The following SPSB4 variants were observed in gnomAD, a reference collection of about 807,000 sequenced individuals.
The protein encoded by SPSB4 is SPRY domain-containing SOCS box protein 4.
In SPSB4, 21 loss-of-function variants were observed where a neutral mutation model predicts 20.9. That is an observed-to-expected ratio of 1.01 (90% CI 0.71 to 1.45). The LOEUF (loss-of-function observed/expected upper bound fraction) is 1.45. Among genes scored for constraint, SPSB4 ranks in the 40% most tolerant of loss-of-function variants. The probability of loss-of-function intolerance (pLI) is 0.00; values close to 1 mark genes in which losing one functional copy is unlikely to be tolerated. For synonymous variants in SPSB4, 207 were observed against 183.8 expected (o/e 1.13, Z -1.02); for missense variants, 399 against 399.2 (o/e 1.00, Z 0.00).
rs566180241 is a variant in SPSB4 at position 141,131,078 on chromosome 3, G to T, written c.695-16064G>T. Among the ~76,000 whole-genome samples, 6 of 152,202 alleles carry T rather than the reference G, an allele frequency of 3.9e-5. No individual in the cohort carries two copies. The East Asian group carries it at 1.2e-3, about 29-fold the overall frequency. ...TTCCTGGGCTGATGGCCTGAAATAAGACACATTTTAGAGAGAACACCTTTA... is the reference window on the plus strand; with the variant it reads ...TTCCTGGGCTGATGGCCTGAAATAATACACATTTTAGAGAGAACACCTTTA... On this transcript the variant is annotated intron_variant, in intron 2 of 2. Coordinates refer to ENST00000310546, the MANE Select transcript of SPSB4 (RefSeq NM_080862.3).
intron 2 of SPSB4, among the ~76,000 whole-genome samples, chr3:141,097,611 C>T (rs527995214): frequency 1.3e-5 from 2 of 151,988 alleles, no homozygotes; most frequent in South Asian, 4.1e-4. Context: ...AATACCTCTT[C>T]ACTTTGACTT....
chr3:141,095,055 T>C (rs1489662075), intron 2 of SPSB4, among the ~76,000 whole-genome samples: 2 of 151,920 alleles, frequency 1.3e-5, no homozygotes, highest in African/African-American at 4.8e-5. Context: ...TGGCTGGCGG[T>C]GTATTCTGCT....
chr3:141,057,295 T>A (rs1937666943), intron 1 of SPSB4, among the ~76,000 whole-genome samples: 1 of 152,236 alleles, frequency 6.6e-6, no homozygotes, highest in African/African-American at 2.4e-5. Context: ...ACAGCCTCCC[T>A]ACTTAATATT....
At chr3:141,109,849 G>C (rs998028852) in intron 2 of SPSB4, among the ~76,000 whole-genome samples, 1 of 152,210 alleles carries the variant, frequency 6.6e-6, no homozygotes, top group African/African-American at 2.4e-5. Context: ...GCAGTGCAGA[G>C]AAGAGTGTTT....
intron 2 of SPSB4, among the ~76,000 whole-genome samples, chr3:141,108,169 A>T (rs1374119771): frequency 2.0e-5 from 3 of 151,998 alleles, no homozygotes; most frequent in Non-Finnish European, 4.4e-5. Context: ...CGAGCTCAGG[A>T]GCCTCTGCCT....
intron 2 of SPSB4, among the ~76,000 whole-genome samples, chr3:141,120,354 A>T (rs952219042): frequency 3.3e-5 from 5 of 152,172 alleles, no homozygotes; most frequent in Admixed American, 3.3e-4. Flanking sequence ...TCAATTTTAG[A>T]ATAAGTGTGA....
At chr3:141,060,112 A>G (rs950476429) in intron 1 of SPSB4, among the ~76,000 whole-genome samples, 3 of 152,190 alleles carry the variant, frequency 2.0e-5, no homozygotes, top group African/African-American at 7.2e-5. Context: ...CCACAGTGTG[A>G]GCACTCTTCA....
intron 2 of SPSB4, among the ~76,000 whole-genome samples, chr3:141,130,034 A>G (rs1939110259): frequency 6.6e-6 from 1 of 152,226 alleles, no homozygotes. Context: ...GCTTGTCAAC[A>G]GAAAACGCTC....
intron 1 of SPSB4, among the ~76,000 whole-genome samples, chr3:141,054,477 C>T (rs1375422360): frequency 1.3e-5 from 2 of 152,190 alleles, no homozygotes; most frequent in African/African-American, 2.4e-5. Flanking sequence ...AATTTATTTG[C>T]TGCTGATCAG....
intron 2 of SPSB4, among the ~76,000 whole-genome samples, chr3:141,085,741 A>C (rs147667975): frequency 2.0e-4 from 31 of 152,298 alleles, no homozygotes; most frequent in African/African-American, 7.0e-4. Flanking sequence ...TCAATTAATG[A>C]TGCCTCCCTT....
chr3:141,110,892 G>T (rs910647480), intron 2 of SPSB4, among the ~76,000 whole-genome samples: 2 of 152,236 alleles, frequency 1.3e-5, no homozygotes, highest in African/African-American at 4.8e-5. Flanking sequence ...AGTCCCAGAG[G>T]TGAAGTGATT....
intron 2 of SPSB4, among the ~76,000 whole-genome samples, chr3:141,096,476 T>C (rs975253521): frequency 1.1e-4 from 16 of 152,202 alleles, no homozygotes; most frequent in East Asian, 3.8e-4. Context: ...GCTCTCCCTG[T>C]CCTGCCAGCT....
intron 2 of SPSB4, among the ~76,000 whole-genome samples, chr3:141,112,902 G>T (rs569986623): frequency 3.5e-4 from 53 of 152,230 alleles, no homozygotes; most frequent in Admixed American, 2.0e-4. Flanking sequence ...TCTGACAGGG[G>T]CCTCTGAGGC....
At chr3:141,122,397 G>T (rs985973127) in intron 2 of SPSB4, among the ~76,000 whole-genome samples, 13 of 152,316 alleles carry the variant, frequency 8.5e-5, no homozygotes, top group Admixed American at 7.8e-4. Flanking sequence ...TGAGGAGGCA[G>T]TCTGTTCATT....
chr3:141,071,815 G>C (rs573764693), intron 2 of SPSB4, among the ~76,000 whole-genome samples: 1 of 152,370 alleles, frequency 6.6e-6, no homozygotes, highest in East Asian at 1.9e-4. Context: ...TGTATTTCCA[G>C]ACGTCTTTCC....
chr3:141,113,013 T>A (rs1281819926), intron 2 of SPSB4, among the ~76,000 whole-genome samples: 1 of 152,198 alleles, frequency 6.6e-6, no homozygotes, highest in Non-Finnish European at 1.5e-5. Context: ...TGTTCTCCCA[T>A]CTTCTTTGTA....
intron 2 of SPSB4, among the ~76,000 whole-genome samples, chr3:141,111,354 CT>C (rs34223433): frequency 5.3e-3 from 327 of 61,798 alleles, no homozygotes; most frequent in African/African-American, 0.02. Flanking sequence ...CTGGAACTTG[CT>C]TTTTTTTTTT....
chr3:141,126,639 C>T (rs1004917433), intron 2 of SPSB4, among the ~76,000 whole-genome samples: 4 of 152,200 alleles, frequency 2.6e-5, no homozygotes, highest in South Asian at 2.1e-4. Flanking sequence ...AACCAAATAT[C>T]GATGGCATCT....
chr3:141,061,970 A>C (rs1021248640), intron 1 of SPSB4, among the ~76,000 whole-genome samples: 2 of 152,096 alleles, frequency 1.3e-5, no homozygotes, highest in Non-Finnish European at 2.9e-5. Context: ...CTTGACCTCA[A>C]ATGATCCACC....
Sources: gnomAD v4.1 joint callset for allele counts (sites outside exome capture counted in the v4.1 genomes callset) on GRCh38, gnomAD v4.1.1 for gene constraint, MANE v1.5 for transcripts, NCBI Gene and HGNC (gene_info 2026-07-23, HGNC 2026-07-21) for gene names.